The following NECTIN1 variants were observed in gnomAD, a reference collection of about 807,000 sequenced individuals.
The protein encoded by NECTIN1 is nectin-1.
Under a neutral mutation model 48.0 loss-of-function variants are expected in NECTIN1, and 23 were observed. That is an observed-to-expected ratio of 0.48 (90% CI 0.34 to 0.68). NECTIN1 has a LOEUF of 0.68. NECTIN1 is among the 30% of genes least tolerant of loss of function. The pLI, the probability that NECTIN1 is intolerant of heterozygous loss-of-function variation, is 0.01. For missense variants in NECTIN1, 591 were observed against 709.9 expected, an observed-to-expected ratio of 0.83 and a Z score of 1.90; for synonymous variants, 270 against 288.9, an observed-to-expected ratio of 0.93 and a Z score of 0.66.
At position 119,661,324 on chromosome 11, in the gene NECTIN1, C is replaced by T; in HGVS notation, c.*3423G>A. On this transcript the variant is annotated 3_prime_UTR_variant, in exon 6 of 6. Coordinates refer to ENST00000264025, the MANE Select transcript of NECTIN1 (RefSeq NM_002855.5). Reference sequence around the variant, plus strand: ...AGCAGCACCGAGTGGGACAGGGGCTCCTCCTGGCCTCACAAGCTGGGCAGT... The same window carrying T: ...AGCAGCACCGAGTGGGACAGGGGCTTCTCCTGGCCTCACAAGCTGGGCAGT... 3.0e-6 allele frequency: 3 copies of T among 986,160 alleles called. No homozygotes were observed. The allele number at this position is 986,160 out of a possible 1,614,324, so 61.1% of individuals were successfully genotyped here. A position where few individuals can be genotyped will look rare whatever the true frequency, so the allele number is the denominator to read the frequency against.
At chr11:119,724,645 A>C (rs12800445) in intron 1 of NECTIN1, among the ~76,000 whole-genome samples, 70,401 of 151,680 alleles carry the variant, frequency 0.46, 17,357 homozygotes, top group Non-Finnish European at 0.54. Context: ...TTATATGTGA[A>C]TATACATTCG....
chr11:119,725,425 G>C (rs1004250757), intron 1 of NECTIN1, among the ~76,000 whole-genome samples: 1 of 152,204 alleles, frequency 6.6e-6, no homozygotes, highest in Admixed American at 6.5e-5. Flanking sequence ...CTGGGCCCAA[G>C]CTCTGCAGTA....
chr11:119,655,292 T>G (rs1338406131), intron 5 of NECTIN1, among the ~76,000 whole-genome samples: 1 of 151,784 alleles, frequency 6.6e-6, no homozygotes, highest in African/African-American at 2.4e-5. Context: ...CTATGGGAAA[T>G]AGACTCCCTA....
At chr11:119,712,104 G>A (rs1395586325) in intron 1 of NECTIN1, among the ~76,000 whole-genome samples, 1 of 152,216 alleles carries the variant, frequency 6.6e-6, no homozygotes, top group Non-Finnish European at 1.5e-5. Context: ...GAGGACAAGG[G>A]TGGCTCTGGA....
At chr11:119,695,281 A>G (rs1319202533) in intron 1 of NECTIN1, among the ~76,000 whole-genome samples, 1 of 148,658 alleles carries the variant, frequency 6.7e-6, no homozygotes, top group Non-Finnish European at 1.5e-5. Flanking sequence ...CCATATTCCC[A>G]TCTCCCTCTC....
At chr11:119,666,049 G>C (rs1005982017) in intron 5 of NECTIN1, among the ~76,000 whole-genome samples, 3 of 152,210 alleles carry the variant, frequency 2.0e-5, no homozygotes, top group African/African-American at 7.2e-5. Context: ...GCAGGGCAAG[G>C]TGGGGGCCTG....
intron 1 of NECTIN1, among the ~76,000 whole-genome samples, chr11:119,722,279 G>A (rs11217428): frequency 0.087 from 13,221 of 152,306 alleles, 1,921 homozygotes; most frequent in African/African-American, 0.3. Context: ...GCCACAGACA[G>A]TATTATGACA....
rs138907015 is a variant in NECTIN1, at chr11:119,728,931, C to G, written c.-378G>C. On this transcript the variant is annotated 5_prime_UTR_variant, in exon 1 of 6. Transcript: ENST00000264025. Reference sequence around the variant, plus strand: ...GCGGCGCGGGCTCCTGGCCCCGGCCCGCTCACACCCTCCCGCTCGGCTCCA... The same window carrying G: ...GCGGCGCGGGCTCCTGGCCCCGGCCGGCTCACACCCTCCCGCTCGGCTCCA... The G allele has an allele frequency of 6.7e-5, 12 of 179,654 alleles. No individual in the cohort carries two copies. In the East Asian group the frequency reaches 8.3e-4, roughly 12 times the overall value. 11.1% of individuals were successfully genotyped at this position (179,654 alleles called of 1,614,324 possible). A position where few individuals can be genotyped will look rare whatever the true frequency, so the allele number is the denominator to read the frequency against.
exon 6 of NECTIN1, chr11:119,639,869 C>T (rs1205585847): frequency 1.2e-6 from 2 of 1,614,150 alleles, no homozygotes; most frequent in South Asian, 1.1e-5. Context: ...GCTCACCCGG[C>T]CCCATCCGTC....
Position 119,665,858 on chromosome 11 carries a change from A to G in NECTIN1, c.1004-561T>C, listed in dbSNP as rs1010070033. Among the ~76,000 whole-genome samples the G allele has an allele frequency of 4.6e-5, 7 of 152,158 alleles. No individual in the cohort carries two copies. Among genetic ancestry groups the G allele is most frequent in the Non-Finnish European group, 8.8e-5 (6 of 68,010 alleles). ...CAGTCACTCTGCCCCAACACTATCA[A>G]CTTGGCTTCCAAGACCCAGAACCAG... On this transcript the variant is annotated intron_variant, in intron 5 of 5. Coordinates refer to ENST00000264025, the MANE Select transcript of NECTIN1 (RefSeq NM_002855.5). This position sits in a 1 kb window ranked among gnomAD's most constrained non-coding sequence, Gnocchi z 5.1.
At position 119,677,982 on chromosome 11, in the gene NECTIN1, C is replaced by G; in HGVS notation, c.431-125G>C. The stretch of plus-strand genomic sequence containing the variant: ...CCCCTTGGCCATCCCTGCCTCTCAG[C>G]TGTGCTGCACCAAAGACTGTCCCAG... On this transcript the variant is annotated intron_variant, in intron 2 of 5. Transcript: ENST00000264025. This position sits in a 1 kb window ranked among gnomAD's most constrained non-coding sequence, Gnocchi z 5.4. 1 of 944,858 alleles carries G rather than the reference C, an allele frequency of 1.1e-6. No homozygotes were observed. The highest frequency in any genetic ancestry group is 1.7e-6 in the Non-Finnish European group (1 of 603,170). The allele number at this position is 944,858 out of a possible 1,614,324, so 58.5% of individuals were successfully genotyped here. A position where few individuals can be genotyped will look rare whatever the true frequency, so the allele number is the denominator to read the frequency against.
chr11:119,675,177 C>A lies in NECTIN1; in HGVS notation c.985G>T (p.Val329Leu). 6.2e-7 allele frequency: 1 copy of A among 1,614,170 alleles called. No individual in the cohort carries two copies. The highest frequency in any genetic ancestry group is 8.5e-7 in the Non-Finnish European group (1 of 1,180,040). Residue 329 changes from valine to leucine, a missense_variant, in exon 5 of 6, where the codon GTG (valine) becomes TTG (leucine). Transcript: ENST00000264025. ...TNPIGTRSGQVEVNITEFPYT... is the reference protein window; with the variant it reads ...TNPIGTRSGQLEVNITEFPYT... ...TTCCTACCTGTGATATTGACCTCCA[C>A]CTGGCCTGAGCGTGTACCGATGGGG... is the stretch of plus-strand genomic sequence containing the variant.
At chr11:119,693,719 A>G (rs1009420741) in intron 1 of NECTIN1, among the ~76,000 whole-genome samples, 7 of 152,138 alleles carry the variant, frequency 4.6e-5, no homozygotes, top group Non-Finnish European at 1.0e-4. Flanking sequence ...ACACACCTCT[A>G]ATGTTGGACG....
intron 5 of NECTIN1, among the ~76,000 whole-genome samples, chr11:119,647,567 C>T (rs576095539): frequency 6.6e-6 from 1 of 152,194 alleles, no homozygotes; most frequent in African/African-American, 2.4e-5. Context: ...CTGCCCACCT[C>T]CTCTGGGTGC....
At chr11:119,712,134 G>C (rs1057456214) in intron 1 of NECTIN1, among the ~76,000 whole-genome samples, 1 of 152,216 alleles carries the variant, frequency 6.6e-6, no homozygotes, top group East Asian at 1.9e-4. Context: ...CTTGGACTGC[G>C]CACAGGTCAG....
chr11:119,640,441 G>A, intron 5 of NECTIN1: 1 of 224,708 alleles, frequency 4.5e-6, no homozygotes. Context: ...TCCCAGCTTG[G>A]GACAGAGGGT....
intron 1 of NECTIN1, among the ~76,000 whole-genome samples, chr11:119,717,788 G>A (rs1292188601): frequency 2.0e-5 from 3 of 152,218 alleles, no homozygotes; most frequent in Admixed American, 2.0e-4. Flanking sequence ...GGGTAGGGGG[G>A]CTCTGGGCAA....
chr11:119,707,960 A>G (rs1865575829), intron 1 of NECTIN1, among the ~76,000 whole-genome samples: 2 of 152,242 alleles, frequency 1.3e-5, no homozygotes, highest in Admixed American at 6.5e-5. Flanking sequence ...GTGGAGGAAT[A>G]AGAAAGACTA....
intron 5 of NECTIN1, among the ~76,000 whole-genome samples, chr11:119,645,072 G>C (rs1400082215): frequency 6.7e-6 from 1 of 148,580 alleles, no homozygotes; most frequent in Non-Finnish European, 1.5e-5. Context: ...TCCTGGGTTG[G>C]TCTGCCCTCT....
Sources: allele counts gnomAD v4.1 joint callset (sites outside exome capture counted in the v4.1 genomes callset), GRCh38; gene constraint gnomAD v4.1.1; non-coding constraint Gnocchi (gnomAD v3.1); transcripts MANE v1.5; gene names NCBI Gene and HGNC (gene_info 2026-07-23, HGNC 2026-07-21).